Variants in PAPLN observed in about 807,000 individuals in gnomAD.
PAPLN encodes papilin, proteoglycan like sulfated glycoprotein, also known as papilin.
A neutral mutation model predicts 159.0 loss-of-function variants in PAPLN; 146 were observed. The observed-to-expected ratio is 0.92, with a 90% confidence interval of 0.80 to 1.05. The LOEUF (loss-of-function observed/expected upper bound fraction) is 1.05, where lower values mean the gene tolerates loss of function less well. PAPLN is among the 50% of genes least tolerant of loss of function. The probability of loss-of-function intolerance (pLI) is 0.00; values close to 1 mark genes in which losing one functional copy is unlikely to be tolerated. For missense variants in PAPLN, 1,720 were observed against 1,743.9 expected, an observed-to-expected ratio of 0.99 and a Z score of 0.24; for synonymous variants, 734 against 702.9, an observed-to-expected ratio of 1.04 and a Z score of -0.70.
At chr14:73,247,834 G>A (rs1490042185) in intron 5 of PAPLN, among the ~76,000 whole-genome samples, 1 of 137,654 alleles carries the variant, frequency 7.3e-6, no homozygotes, top group Non-Finnish European at 1.6e-5. Context: ...GTGTGTGTGT[G>A]TGTGTGGTGG....
At chr14:73,251,442 G>A (rs565225430) in intron 7 of PAPLN, 44 bp from the exon 8 acceptor site, 2 of 1,568,844 alleles carry the variant, frequency 1.3e-6, no homozygotes, top group African/African-American at 1.3e-5. Flanking sequence ...GGTGCCGGGA[G>A]AGGGATAGCC....
At position 73,254,711 on chromosome 14, in the gene PAPLN, C is replaced by G. The variant is rs779503422; in HGVS notation, c.1485+16C>G. 2.1e-5 allele frequency: 34 copies of G among 1,609,962 alleles called. No individual in the cohort carries two copies. The highest frequency in any genetic ancestry group is 2.7e-5 in the Non-Finnish European group (32 of 1,177,332). The stretch of plus-strand genomic sequence containing the variant: ...CTGGGGTCTAGTGAGTGCTCTCCAC[C>G]CCCACACCTGCTGCCTGACCCTGGT... On this transcript the variant is annotated intron_variant, in intron 13 of 26. Coordinates refer to ENST00000644200, the MANE Select transcript of PAPLN (RefSeq NM_001365906.3).
chr14:73,259,611 G>C lies in PAPLN; in HGVS notation c.1985+66G>C, dbSNP rs906946032. On this transcript the variant is annotated intron_variant, in intron 16 of 26. Coordinates refer to ENST00000644200, the MANE Select transcript of PAPLN (RefSeq NM_001365906.3). ...AGGGAAGGTGGGACCCCGTGGGTGGGCCAACATCTCTGATCAGAAGAGGGC... is the reference window on the plus strand; with the variant it reads ...AGGGAAGGTGGGACCCCGTGGGTGGCCCAACATCTCTGATCAGAAGAGGGC... 8 of 1,424,182 alleles carry C rather than the reference G, an allele frequency of 5.6e-6. No individual in the cohort carries two copies. The East Asian group carries it at 2.1e-4, about 37-fold the overall frequency. The allele number at this position is 1,424,182 out of a possible 1,614,324, so 88.2% of individuals were successfully genotyped here. A position where few individuals can be genotyped will look rare whatever the true frequency, so the allele number is the denominator to read the frequency against.
intron 14 of PAPLN, among the ~76,000 whole-genome samples, chr14:73,257,158 G>A (rs1440171191): frequency 1.3e-5 from 2 of 152,090 alleles, no homozygotes; most frequent in Admixed American, 6.5e-5. Flanking sequence ...TTTTTGTTGA[G>A]ATGGGCTCTT....
chr14:73,259,622 TG>T, intron 16 of PAPLN, 77 bp downstream of exon 16: 2 of 1,408,760 alleles, frequency 1.4e-6, no homozygotes, highest in South Asian at 3.1e-5. Flanking sequence ...CCAACATCTC[TG>T]ATCAGAAGAG....
Position 73,260,841 on chromosome 14 carries a change from G to T in PAPLN, c.2106+12G>T. The T allele has an allele frequency of 6.7e-7, 1 of 1,498,470 alleles. No individual in the cohort carries two copies. The allele number at this position is 1,498,470 out of a possible 1,614,324, so 92.8% of individuals were successfully genotyped here. Reference sequence around the variant, plus strand: ...CAGTGGCTTCTACAGTAAGTGTCTGGCCTGGGGGAGGGGAGCAGGGGGCCA... The same window carrying T: ...CAGTGGCTTCTACAGTAAGTGTCTGTCCTGGGGGAGGGGAGCAGGGGGCCA... On this transcript the variant is annotated intron_variant, in intron 17 of 26. Transcript: ENST00000644200.
intron 16 of PAPLN, among the ~76,000 whole-genome samples, chr14:73,260,292 A>C (rs1886412253): frequency 6.6e-6 from 1 of 152,108 alleles, no homozygotes; most frequent in African/African-American, 2.4e-5. Flanking sequence ...GCCTCGTGGC[A>C]CCTGGTGGGT....
rs17126352 is a variant in PAPLN, at chr14:73,254,537, G to A, written c.1327G>A (p.Val443Ile). 1.4e-3 allele frequency: 2,226 copies of A among 1,614,020 alleles called. 37 individuals are homozygous for A. In the African/African-American group the frequency reaches 0.027, roughly 19 times the overall value. Residue 443 changes from valine to isoleucine, a missense_variant, in exon 13 of 27, where the codon GTC becomes ATC. By Grantham distance (29) the Val-to-Ile change is conservative (BLOSUM62 3). Coordinates refer to ENST00000644200, the MANE Select transcript of PAPLN (RefSeq NM_001365906.3). The part of the protein sequence containing the change: ...GECSVSCGVG[V>I]RKRSVTCRGE... Reference sequence around the variant, plus strand: ...GTGTTCTGTCAGTTGTGGCGTTGGCGTCCGGAAGCGGAGCGTTACTTGCCG... The same window carrying A: ...GTGTTCTGTCAGTTGTGGCGTTGGCATCCGGAAGCGGAGCGTTACTTGCCG...
rs1380965974 is a variant in PAPLN at position 73,239,046 on chromosome 14, A to G, written c.-6-727A>G. ...CCAAATAGTACACACCAGACTGCACATGGACCCGCCCCGCACACTGCACAT... is the reference window on the plus strand; with the variant it reads ...CCAAATAGTACACACCAGACTGCACGTGGACCCGCCCCGCACACTGCACAT... On this transcript the variant is annotated intron_variant, in intron 1 of 26. Coordinates refer to ENST00000644200, the MANE Select transcript of PAPLN (RefSeq NM_001365906.3). Among the ~76,000 whole-genome samples, 3 of 152,200 alleles carry G rather than the reference A, an allele frequency of 2.0e-5. No individual in the cohort carries two copies. In the East Asian group the frequency reaches 5.8e-4, roughly 29 times the overall value.
At chr14:73,269,867 C>G (rs1224880751) in intron 26 of PAPLN, among the ~76,000 whole-genome samples, 4 of 152,170 alleles carry the variant, frequency 2.6e-5, no homozygotes, top group Non-Finnish European at 5.9e-5. Context: ...GAGGGGCAGG[C>G]CTGGCTGCTT....
chr14:73,259,166 GGAGA>G, intron 15 of PAPLN, 99 bp from the exon 16 acceptor site: 3 of 1,525,698 alleles, frequency 2.0e-6, no homozygotes, highest in Non-Finnish European at 2.7e-6. Context: ...ATGGTGGAAG[GGAGA>G]ATGGTCCAGG....
At chr14:73,249,145 C>A (rs1278812933) in intron 5 of PAPLN, among the ~76,000 whole-genome samples, 1 of 151,924 alleles carries the variant, frequency 6.6e-6, no homozygotes, top group East Asian at 1.9e-4. Context: ...ACATTAAAAC[C>A]AGAAAAAAGT....
In PAPLN at chr14:73,253,955, G is replaced by A; in HGVS notation, c.1296G>A (p.Trp432Ter). Residue 432 changes from tryptophan (W) to a stop codon, truncating the protein, a stop_gained, in exon 12 of 27, where the codon TGG becomes TGA. Coordinates refer to ENST00000644200, the MANE Select transcript of PAPLN (RefSeq NM_001365906.3). LOFTEE classifies it high-confidence loss of function. ...QRCAAWSPEP[W>*]GECSVSCGVG... ...GTGCAGCCTGGAGCCCGGAGCCCTGGGGAGAGGTCAGGCCCCTGGCCCGCA... is the reference window on the plus strand; with the variant it reads ...GTGCAGCCTGGAGCCCGGAGCCCTGAGGAGAGGTCAGGCCCCTGGCCCGCA... 1 of 1,610,528 alleles carries A rather than the reference G, an allele frequency of 6.2e-7. No individual in the cohort carries two copies. Among genetic ancestry groups the A allele is most frequent in the Non-Finnish European group, 8.5e-7 (1 of 1,179,344 alleles).
Position 73,253,970 on chromosome 14 carries a change from C to A in PAPLN, c.1302+9C>A. On this transcript the variant is annotated intron_variant, in intron 12 of 26. Transcript: ENST00000644200. Reference sequence around the variant, plus strand: ...CGGAGCCCTGGGGAGAGGTCAGGCCCCTGGCCCGCATGGGGCTGGTGCTGG... The same window carrying A: ...CGGAGCCCTGGGGAGAGGTCAGGCCACTGGCCCGCATGGGGCTGGTGCTGG... 6.2e-7 allele frequency: 1 copy of A among 1,605,090 alleles called. No homozygotes were observed.
Position 73,258,967 on chromosome 14 carries a change from G to A in PAPLN, c.1628-12G>A, listed in dbSNP as rs561714572. The stretch of plus-strand genomic sequence containing the variant: ...CCTCTCCGTCCCACATGGACCTCCC[G>A]GCTCCCTGCAGAGGTCCCCAGCATG... On this transcript the variant is annotated splice_polypyrimidine_tract_variant and intron_variant, in intron 14 of 26. Transcript: ENST00000644200. 6.9e-6 allele frequency: 11 copies of A among 1,603,566 alleles called. No homozygotes were observed. The highest frequency in any genetic ancestry group is 4.5e-5 in the East Asian group (2 of 44,402).
chr14:73,265,733 C>T lies in PAPLN; in HGVS notation c.3263+226C>T, dbSNP rs1423364789. Among the ~76,000 whole-genome samples, 1 of 152,176 alleles carries T rather than the reference C, an allele frequency of 6.6e-6. No individual in the cohort carries two copies. The highest frequency in any genetic ancestry group is 2.4e-5 in the African/African-American group (1 of 41,434). ...GTGGTTAGTGGACAGAAATAAGAGG[C>T]CAGCTAACAGAGGTGATGACGGAAG... On this transcript the variant is annotated intron_variant, in intron 23 of 26. Transcript: ENST00000644200. This position sits in a 1 kb window ranked among gnomAD's most constrained non-coding sequence, Gnocchi z 4.1.
chr14:73,273,978 T>G lies in PAPLN; in HGVS notation c.*1314T>G, dbSNP rs1887951389. ...CCTTGAAGCCCTCCTGAGGCCAACA[T>G]GCAAATCTGGCTGTGACGGTTCATC... On this transcript the variant is annotated 3_prime_UTR_variant, in exon 27 of 27. Coordinates refer to ENST00000644200, the MANE Select transcript of PAPLN (RefSeq NM_001365906.3). 6.6e-6 allele frequency: 1 copy of G among 152,230 alleles called. No homozygotes were observed. Among genetic ancestry groups the G allele is most frequent in the African/African-American group, 2.4e-5 (1 of 41,462 alleles). The allele number at this position is 152,230 out of a possible 1,614,324, so 9.4% of individuals were successfully genotyped here.
In PAPLN at chr14:73,262,384, T is replaced by C. The variant is rs755205180; in HGVS notation, c.2280T>C (p.His760=). 6.2e-7 allele frequency: 1 copy of C among 1,613,912 alleles called. No individual in the cohort carries two copies. Among genetic ancestry groups the C allele is most frequent in the Non-Finnish European group, 8.5e-7 (1 of 1,179,920 alleles). The change falls in exon 19 of 27, where the codon CAT becomes CAC. Residue 760 remains histidine (H), a synonymous_variant. Coordinates refer to ENST00000644200, the MANE Select transcript of PAPLN (RefSeq NM_001365906.3). ...TGCGGTGCCTGCTGCCCAGTGCCCA[T>C]GGCTCTTGCGCAGACTGGGCTGCCC... The part of the protein sequence containing the change: ...YPVRCLLPSA[H]GSCADWAARW...
rs1566707634 is a variant in PAPLN at position 73,265,754 on chromosome 14, GGAA to G, written c.3263+254_3263+256del. On this transcript the variant is annotated intron_variant, in intron 23 of 26. Transcript: ENST00000644200. This position sits in a 1 kb window ranked among gnomAD's most constrained non-coding sequence, Gnocchi z 4.1. ...GAGGCCAGCTAACAGAGGTGATGAC[GGAA>G]GAAGAAAATGGAGTCAGAACACATT... 1.3e-5 allele frequency among the ~76,000 whole-genome samples: 2 copies of G among 152,204 alleles called. No homozygotes were observed. Among genetic ancestry groups the G allele is most frequent in the African/African-American group, 4.8e-5 (2 of 41,454 alleles).
Sources: allele counts gnomAD v4.1 joint callset (sites outside exome capture counted in the v4.1 genomes callset), GRCh38; gene constraint gnomAD v4.1.1; non-coding constraint Gnocchi (gnomAD v3.1); transcripts MANE v1.5; gene names NCBI Gene and HGNC (gene_info 2026-07-23, HGNC 2026-07-21).